Variants in SEMA3E observed in about 807,000 individuals in gnomAD.
SEMA3E encodes the protein semaphorin 3E.
A neutral mutation model predicts 93.6 loss-of-function variants in SEMA3E; 49 were observed. The ratio of observed to expected loss-of-function variants is 0.52; its 90% CI spans 0.42 to 0.66. SEMA3E has a LOEUF of 0.66. Ranked by LOEUF, SEMA3E falls within the 30% of genes least tolerant of loss-of-function variation. The pLI is 0.00. For missense variants in SEMA3E, 906 were observed against 964.8 expected, an observed-to-expected ratio of 0.94 and a Z score of 0.81; for synonymous variants, 363 against 330.7, an observed-to-expected ratio of 1.10 and a Z score of -1.06.
intron 2 of SEMA3E, 151 bp downstream of exon 2, chr7:83,489,963 A>AGG: frequency 2.7e-6 from 2 of 729,834 alleles, no homozygotes. Context: ...TCATTTCCTC[A>AGG]AAATGATTTC....
intron 1 of SEMA3E, among the ~76,000 whole-genome samples, chr7:83,549,468 T>G (rs1029808640): frequency 6.6e-6 from 1 of 152,152 alleles, no homozygotes; most frequent in Non-Finnish European, 1.5e-5. Flanking sequence ...CAAACATGGC[T>G]TCTTTAATGA....
At chr7:83,491,568 C>T (rs1790384866) in intron 1 of SEMA3E, among the ~76,000 whole-genome samples, 1 of 151,904 alleles carries the variant, frequency 6.6e-6, no homozygotes, top group Non-Finnish European at 1.5e-5. Flanking sequence ...AGTCTTTTGA[C>T]TATTCACCTA....
At chr7:83,447,673 A>G (rs1789262318) in intron 4 of SEMA3E, among the ~76,000 whole-genome samples, 1 of 152,256 alleles carries the variant, frequency 6.6e-6, no homozygotes, top group African/African-American at 2.4e-5. Context: ...ATATTTAGCA[A>G]GAGAGATAGA....
intron 12 of SEMA3E, among the ~76,000 whole-genome samples, chr7:83,395,500 T>C (rs1373411252): frequency 6.6e-6 from 1 of 152,192 alleles, no homozygotes; most frequent in Non-Finnish European, 1.5e-5. Flanking sequence ...TTTTAACTCA[T>C]GGGCACATGC....
intron 1 of SEMA3E, among the ~76,000 whole-genome samples, chr7:83,578,981 A>G (rs1792464067): frequency 6.6e-6 from 1 of 152,130 alleles, no homozygotes; most frequent in African/African-American, 2.4e-5. Flanking sequence ...AAATATATAG[A>G]AATTAAATTA....
chr7:83,555,488 T>G (rs1248757759), intron 1 of SEMA3E, among the ~76,000 whole-genome samples: 11 of 152,192 alleles, frequency 7.2e-5, no homozygotes. Context: ...TGTCACATCC[T>G]GGATTATTCC....
At chr7:83,466,752 C>T (rs1259592771) in intron 3 of SEMA3E, 151 bp from the exon 4 acceptor site, 3 of 928,934 alleles carry the variant, frequency 3.2e-6, no homozygotes, top group African/African-American at 1.6e-5. Flanking sequence ...GAAAAGAGGA[C>T]AAGAACTTGG....
At chr7:83,586,393 A>G (rs1361357942) in intron 1 of SEMA3E, among the ~76,000 whole-genome samples, 1 of 152,058 alleles carries the variant, frequency 6.6e-6, no homozygotes, top group Admixed American at 6.6e-5. Flanking sequence ...ATTTGGCATT[A>G]CTAAACCATG....
At chr7:83,400,297 G>C in intron 10 of SEMA3E, 47 bp from the exon 11 acceptor site, 1 of 1,548,230 alleles carries the variant, frequency 6.5e-7, no homozygotes, top group Non-Finnish European at 8.9e-7. Flanking sequence ...TACACCCAAA[G>C]AGAAAATTTA....
rs755600919 is a variant in SEMA3E at position 83,396,644 on chromosome 7, T to C, written c.1452A>G (p.Ile484Met). 3 of 1,595,060 alleles carry C rather than the reference T, an allele frequency of 1.9e-6. No homozygotes were observed. The highest frequency in any genetic ancestry group is 1.7e-6 in the Non-Finnish European group (2 of 1,164,164). ...MEEVILEELQIFKDPVPIISM... is the reference protein window; with the variant it reads ...MEEVILEELQMFKDPVPIISM... Reference sequence around the variant, plus strand: ...TATTTTTTGCTTTAAATACCTTGAATATCTGAAGTTCTTCTAGAATTACTT... The same window carrying C: ...TATTTTTTGCTTTAAATACCTTGAACATCTGAAGTTCTTCTAGAATTACTT... Residue 484 changes from isoleucine (I) to methionine (M), a missense_variant, in exon 12 of 17, where the codon ATA becomes ATG. Coordinates refer to ENST00000643230, the MANE Select transcript of SEMA3E (RefSeq NM_012431.3).
At chr7:83,409,330 G>C (rs761718682) in intron 5 of SEMA3E, among the ~76,000 whole-genome samples, 2 of 152,120 alleles carry the variant, frequency 1.3e-5, no homozygotes, top group African/African-American at 2.4e-5. Flanking sequence ...ACTCACAAGA[G>C]GTAATCAGTG....
chr7:83,564,825 A>T (rs1487179792), intron 1 of SEMA3E, among the ~76,000 whole-genome samples: 8 of 152,224 alleles, frequency 5.3e-5, no homozygotes, highest in Non-Finnish European at 1.0e-4. Context: ...TTTTTAAAGA[A>T]GAAAGTAATG....
At chr7:83,636,390 T>C (rs1185718354) in intron 1 of SEMA3E, among the ~76,000 whole-genome samples, 1 of 152,110 alleles carries the variant, frequency 6.6e-6, no homozygotes, top group African/African-American at 2.4e-5. Context: ...AGGAATTGTA[T>C]GTGGTATTCA....
chr7:83,565,044 A>G (rs965688557), intron 1 of SEMA3E, among the ~76,000 whole-genome samples: 1 of 152,200 alleles, frequency 6.6e-6, no homozygotes, highest in Non-Finnish European at 1.5e-5. Context: ...AATACAAACT[A>G]CCATCAGAGA....
At chr7:83,488,867 T>G (rs1790322099) in intron 2 of SEMA3E, among the ~76,000 whole-genome samples, 1 of 152,076 alleles carries the variant, frequency 6.6e-6, no homozygotes, top group African/African-American at 2.4e-5. Flanking sequence ...GTATAAAAAC[T>G]TTTGTAGAGA....
At chr7:83,470,295 A>G (rs1404760964) in intron 2 of SEMA3E, among the ~76,000 whole-genome samples, 1 of 152,264 alleles carries the variant, frequency 6.6e-6, no homozygotes, top group East Asian at 1.9e-4. Context: ...CTGGTTCCAC[A>G]AATTTCTAAT....
chr7:83,402,745 AGACACAT>A lies in SEMA3E; in HGVS notation c.1023_1029del (p.Cys342IlefsTer43). The A allele has an allele frequency of 1.9e-6, 3 of 1,612,832 alleles. No homozygotes were observed. The highest frequency in any genetic ancestry group is 2.5e-6 in the Non-Finnish European group (3 of 1,179,118). ...GCTGCCCGAATGCTAGACATGTGAT[AGACACAT>A]ATAGCATGCCCTCGAAAAATATTAC... On this transcript the variant is annotated frameshift_variant, in exon 10 of 17. Transcript: ENST00000643230. LOFTEE classifies it high-confidence loss of function.
At chr7:83,414,279 CCTTA>C (rs1788499645) in intron 5 of SEMA3E, among the ~76,000 whole-genome samples, 1 of 151,940 alleles carries the variant, frequency 6.6e-6, no homozygotes, top group South Asian at 2.1e-4. Flanking sequence ...TAATAAATGA[CCTTA>C]CTTTGTGCCA....
At chr7:83,553,312 C>T (rs1377895603) in intron 1 of SEMA3E, among the ~76,000 whole-genome samples, 1 of 152,146 alleles carries the variant, frequency 6.6e-6, no homozygotes, top group African/African-American at 2.4e-5. Flanking sequence ...CCCTACAGTC[C>T]TCCACTTAGC....
Sources: allele counts gnomAD v4.1 joint callset (sites outside exome capture counted in the v4.1 genomes callset), GRCh38; gene constraint gnomAD v4.1.1; transcripts MANE v1.5; gene names NCBI Gene and HGNC (gene_info 2026-07-23, HGNC 2026-07-21).